The following GRXCR2 variants were observed in gnomAD, a reference collection of about 807,000 sequenced individuals.
The protein encoded by GRXCR2 is glutaredoxin and cysteine rich domain containing 2.
GRXCR2 carries 23 observed loss-of-function variants against 24.8 expected under a neutral mutation model. That is an observed-to-expected ratio of 0.93 (90% CI 0.67 to 1.32). The LOEUF is 1.32. GRXCR2 is among the 40% of genes most tolerant of loss of function. The probability of loss-of-function intolerance (pLI) is 0.00; values close to 1 mark genes in which losing one functional copy is unlikely to be tolerated. For synonymous variants in GRXCR2, 130 were observed against 116.1 expected (o/e 1.12, Z -0.77); for missense variants, 315 against 303.4 (o/e 1.04, Z -0.28).
chr5:145,879,712 T>C (rs1756671593), intron 2 of GRXCR2, among the ~76,000 whole-genome samples: 1 of 152,308 alleles, frequency 6.6e-6, no homozygotes, highest in African/African-American at 2.4e-5. Flanking sequence ...CTAATAGACA[T>C]CTACAGAACT....
At chr5:145,883,919 A>G (rs1355399167) in intron 2 of GRXCR2, among the ~76,000 whole-genome samples, 1 of 152,142 alleles carries the variant, frequency 6.6e-6, no homozygotes, top group African/African-American at 2.4e-5. Context: ...CCTCATCACA[A>G]AATCTCAGTA....
intron 2 of GRXCR2, among the ~76,000 whole-genome samples, chr5:145,882,325 A>G (rs932751737): frequency 7.2e-5 from 11 of 152,182 alleles, no homozygotes; most frequent in Non-Finnish European, 1.2e-4. Context: ...AATGTACAAG[A>G]AAAAAACAAA....
chr5:145,907,580 C>T (rs906298164), intron 2 of GRXCR2, among the ~76,000 whole-genome samples: 16 of 151,774 alleles, frequency 1.1e-4, no homozygotes, highest in Non-Finnish European at 1.5e-4. Flanking sequence ...GCTGCCACAT[C>T]GAGTATAAAG....
chr5:145,927,380 C>G (rs1757413687), intron 2 of GRXCR2, among the ~76,000 whole-genome samples: 1 of 152,064 alleles, frequency 6.6e-6, no homozygotes, highest in South Asian at 2.1e-4. Flanking sequence ...ATAAATAGCT[C>G]TTATTATTTT....
chr5:145,872,740 A>C lies in GRXCR2; in HGVS notation c.229T>G (p.Ser77Ala), dbSNP rs1421004846. The change falls in exon 1 of 3, where the codon TCC becomes GCC. Residue 77 changes from serine (S) to alanine (A), a missense_variant. Coordinates refer to ENST00000377976, the MANE Select transcript of GRXCR2 (RefSeq NM_001080516.2). ...SGEVPRPQMC[S>A]PKLTAQRISV... ...ATCCTCTGAGCAGTCAGCTTAGGGG[A>C]GCACATCTGGGGCCTGGGGACTTCC... 1 of 1,613,940 alleles carries C rather than the reference A, an allele frequency of 6.2e-7. No homozygotes were observed. The highest frequency in any genetic ancestry group is 1.7e-5 in the Admixed American group (1 of 60,010).
At chr5:145,861,172 T>G (rs1335562416) in intron 2 of GRXCR2, among the ~76,000 whole-genome samples, 1 of 152,084 alleles carries the variant, frequency 6.6e-6, no homozygotes, top group Non-Finnish European at 1.5e-5. Context: ...GACTCTGGCA[T>G]GAACTGAGTG....
chr5:145,859,481 T>C lies in GRXCR2; in HGVS notation c.*252A>G. ...AGTCAAGTGAGATACACTCACACCA[T>C]CCTGGAAGGATAATTTTAGAACCAG... On this transcript the variant is annotated 3_prime_UTR_variant, in exon 3 of 3. Coordinates refer to ENST00000377976, the MANE Select transcript of GRXCR2 (RefSeq NM_001080516.2). 1.8e-6 allele frequency: 1 copy of C among 547,882 alleles called. No homozygotes were observed. The highest frequency in any genetic ancestry group is 3.3e-5 in the Admixed American group (1 of 30,594). The allele number at this position is 547,882 out of a possible 1,614,324, so 33.9% of individuals were successfully genotyped here. A position where few individuals can be genotyped will look rare whatever the true frequency, so the allele number is the denominator to read the frequency against.
At chr5:145,884,892 G>A (rs751047652) in intron 2 of GRXCR2, among the ~76,000 whole-genome samples, 7 of 152,068 alleles carry the variant, frequency 4.6e-5, no homozygotes, top group South Asian at 2.1e-4. Flanking sequence ...TTTACTGGAC[G>A]TTATTTTTAT....
intron 2 of GRXCR2, among the ~76,000 whole-genome samples, chr5:145,887,658 A>G (rs72816461): frequency 1.3e-5 from 2 of 152,194 alleles, no homozygotes; most frequent in Non-Finnish European, 2.9e-5. Context: ...TTCTCTATTT[A>G]TTTTATTTTA....
intron 2 of GRXCR2, among the ~76,000 whole-genome samples, chr5:145,863,694 C>A: frequency 6.6e-6 from 1 of 152,172 alleles, no homozygotes; most frequent in East Asian, 1.9e-4. Flanking sequence ...AGACAGGTCT[C>A]ATTATGTTGC....
At chr5:145,904,731 A>G (rs1757067614) in intron 2 of GRXCR2, among the ~76,000 whole-genome samples, 1 of 152,144 alleles carries the variant, frequency 6.6e-6, no homozygotes, top group Admixed American at 6.6e-5. Context: ...CTAAAACCTA[A>G]TGACTTTAAA....
intron 2 of GRXCR2, among the ~76,000 whole-genome samples, chr5:145,885,097 CTGTGTGTGTG>C (rs59158357): frequency 6.8e-6 from 1 of 147,718 alleles, no homozygotes; most frequent in Admixed American, 6.8e-5. Context: ...GTGTGTGTGT[CTGTGTGTGTG>C]TGTGTGTGTG....
chr5:145,883,301 T>G (rs930553965), intron 2 of GRXCR2, among the ~76,000 whole-genome samples: 3 of 152,188 alleles, frequency 2.0e-5, no homozygotes, highest in African/African-American at 7.2e-5. Context: ...TTTTTCTGTA[T>G]TTTTCTAAAT....
chr5:145,893,505 T>G (rs1756901887), intron 2 of GRXCR2, among the ~76,000 whole-genome samples: 3 of 152,062 alleles, frequency 2.0e-5, no homozygotes, highest in Admixed American at 1.3e-4. Context: ...GAAACAGACT[T>G]TAAACCAACA....
intron 2 of GRXCR2, among the ~76,000 whole-genome samples, chr5:145,888,550 T>C (rs892429010): frequency 1.3e-5 from 2 of 152,034 alleles, no homozygotes; most frequent in South Asian, 4.2e-4. Context: ...ATATGCTTAA[T>C]TTTTTTCAAA....
chr5:145,926,997 G>A (rs1038277014), intron 2 of GRXCR2, among the ~76,000 whole-genome samples: 4 of 152,030 alleles, frequency 2.6e-5, no homozygotes, highest in Admixed American at 6.6e-5. Flanking sequence ...GCAATTGTGA[G>A]TGGGAGTTCA....
chr5:145,872,784 T>A lies in GRXCR2; in HGVS notation c.185A>T (p.Asp62Val), dbSNP rs780384515. ...SFLQESLETMDGVYGSGEVPR... is the reference protein window; with the variant it reads ...SFLQESLETMVGVYGSGEVPR... ...GACTTCCCCAGACCCATAAACACCA[T>A]CCATTGTTTCAAGAGACTCTTGCAG... The change falls in exon 1 of 3, where the codon GAT becomes GTT. Residue 62 changes from aspartate to valine, a missense_variant. By Grantham distance (152) the Asp-to-Val change is radical. Transcript: ENST00000377976. 1.2e-6 allele frequency: 2 copies of A among 1,613,978 alleles called. No homozygotes were observed. Among genetic ancestry groups the A allele is most frequent in the African/African-American group, 2.7e-5 (2 of 74,894 alleles).
At chr5:145,907,948 C>T (rs577877636) in intron 2 of GRXCR2, among the ~76,000 whole-genome samples, 8 of 152,076 alleles carry the variant, frequency 5.3e-5, no homozygotes, top group Non-Finnish European at 7.4e-5. Context: ...AGTGGAGACA[C>T]GGAGTAGGTG....
chr5:145,888,858 G>A (rs1756813780), intron 2 of GRXCR2, among the ~76,000 whole-genome samples: 1 of 152,024 alleles, frequency 6.6e-6, no homozygotes, highest in African/African-American at 2.4e-5. Context: ...TTGAAAAATA[G>A]GTCTTGGCAC....
Sources: allele counts gnomAD v4.1 joint callset (sites outside exome capture counted in the v4.1 genomes callset), GRCh38; gene constraint gnomAD v4.1.1; transcripts MANE v1.5; gene names NCBI Gene and HGNC (gene_info 2026-07-23, HGNC 2026-07-21).